TTC19: variants seen among roughly 807,000 people sequenced by gnomAD.
The protein encoded by TTC19 is tetratricopeptide repeat protein 19, mitochondrial.
TTC19 carries 38 observed loss-of-function variants against 49.5 expected under a neutral mutation model. That is an observed-to-expected ratio of 0.77 (90% CI 0.59 to 1.01). TTC19 has a LOEUF of 1.01. Ranked by LOEUF, TTC19 falls within the 50% of genes least tolerant of loss-of-function variation. The probability of loss-of-function intolerance (pLI) is 0.00; values close to 1 mark genes in which losing one functional copy is unlikely to be tolerated. For synonymous variants in TTC19, 204 were observed against 185.2 expected, an observed-to-expected ratio of 1.10 and a Z score of -0.83; for missense variants, 475 against 477.7, an observed-to-expected ratio of 0.99 and a Z score of 0.05.
intron 2 of TTC19, chr17:16,034,911 G>A: frequency 6.2e-7 from 1 of 1,614,094 alleles, no homozygotes; most frequent in Non-Finnish European, 8.5e-7. Context: ...CCTGCTGTTT[G>A]ACTTGCTGAT....
At chr17:16,023,792 C>T (rs1000526384) in intron 7 of TTC19, 4 of 152,180 alleles carry the variant, frequency 2.6e-5, no homozygotes, top group Non-Finnish European at 5.9e-5. Flanking sequence ...AAGCAAGCTG[C>T]ACTTTTTTTC....
chr17:16,037,848 A>G (rs2056735790), intron 2 of TTC19, among the ~76,000 whole-genome samples: 2 of 152,208 alleles, frequency 1.3e-5, no homozygotes, highest in South Asian at 2.1e-4. Context: ...TCTAAAAGAA[A>G]ACATCAAAAA....
chr17:16,035,153 C>A (rs554713120), intron 2 of TTC19, among the ~76,000 whole-genome samples: 2 of 152,272 alleles, frequency 1.3e-5, no homozygotes, highest in South Asian at 4.1e-4. Context: ...GGTGGATGGT[C>A]TTGCCTCCAT....
intron 7 of TTC19, among the ~76,000 whole-genome samples, chr17:16,021,037 T>C (rs747493677): frequency 7.2e-5 from 11 of 152,136 alleles, no homozygotes; most frequent in Non-Finnish European, 1.2e-4. Flanking sequence ...CAGTCAGAAA[T>C]ACTGAGTGCC....
intron 7 of TTC19, among the ~76,000 whole-genome samples, chr17:16,013,870 A>G (rs985477767): frequency 3.9e-5 from 6 of 152,234 alleles, no homozygotes; most frequent in African/African-American, 1.4e-4. Flanking sequence ...CATCTGAATA[A>G]GTTAGCATAT....
chr17:16,041,490 T>G (rs185369700), intron 2 of TTC19, among the ~76,000 whole-genome samples: 2 of 144,516 alleles, frequency 1.4e-5, no homozygotes, highest in African/African-American at 5.1e-5. Context: ...CTAGGCTCAC[T>G]GCAACCTCTG....
chr17:16,038,209 A>G (rs1261316536), intron 2 of TTC19, among the ~76,000 whole-genome samples: 1 of 152,244 alleles, frequency 6.6e-6, no homozygotes, highest in African/African-American at 2.4e-5. Flanking sequence ...TGAAAAGCAC[A>G]AGAGATATTC....
chr17:16,037,196 G>A (rs1219761114), intron 2 of TTC19, among the ~76,000 whole-genome samples: 2 of 152,174 alleles, frequency 1.3e-5, no homozygotes, highest in African/African-American at 4.8e-5. Flanking sequence ...TGGGTTGTTT[G>A]CCATCTTATA....
chr17:16,003,928 T>C, intron 5 of TTC19, 41 bp downstream of exon 5: 4 of 1,603,766 alleles, frequency 2.5e-6, no homozygotes, highest in Non-Finnish European at 3.4e-6. Context: ...CTGAAGCAGT[T>C]TTCAAAACAG....
intron 7 of TTC19, among the ~76,000 whole-genome samples, chr17:16,018,930 A>AT (rs926153503): frequency 2.0e-5 from 3 of 152,040 alleles, no homozygotes; most frequent in Admixed American, 1.3e-4. Context: ...TTGCTTTAGA[A>AT]TTTTTTTTGG....
chr17:16,006,991 G>A (rs1207814944), intron 7 of TTC19, among the ~76,000 whole-genome samples: 3 of 152,280 alleles, frequency 2.0e-5, no homozygotes, highest in East Asian at 3.9e-4. Context: ...CACTCATTCT[G>A]GAGGCTAGGA....
chr17:16,015,366 A>T (rs1971184648), intron 7 of TTC19, among the ~76,000 whole-genome samples: 1 of 147,788 alleles, frequency 6.8e-6, no homozygotes, highest in Admixed American at 6.6e-5. Flanking sequence ...AAATGAACGT[A>T]TGGGTGAACA....
chr17:16,025,247 T>A, intron 8 of TTC19, 76 bp downstream of exon 8: 1 of 1,486,016 alleles, frequency 6.7e-7, no homozygotes, highest in Non-Finnish European at 9.2e-7. Context: ...GTCACACTCA[T>A]TGGTAACAGG....
chr17:16,024,735 C>A, intron 7 of TTC19: 1 of 425,134 alleles, frequency 2.4e-6, no homozygotes, highest in South Asian at 2.3e-5. Context: ...TTGTTGTTAA[C>A]TCATTCTTCT....
chr17:16,040,617 C>T, intron 2 of TTC19: 1 of 877,048 alleles, frequency 1.1e-6, no homozygotes. Context: ...ACCTTTATTT[C>T]TCACCCATTA....
At chr17:16,003,044 C>G (rs934540071) in intron 4 of TTC19, among the ~76,000 whole-genome samples, 1 of 152,140 alleles carries the variant, frequency 6.6e-6, no homozygotes, top group Non-Finnish European at 1.5e-5. Context: ...CTCTCTGATC[C>G]AGAAGTCCAG....
chr17:16,044,680 G>C (rs2058362990), exon 3 of TTC19: 1 of 671,712 alleles, frequency 1.5e-6, no homozygotes, highest in Admixed American at 1.8e-5. Context: ...ATGACAATGA[G>C]GTGACCATCA....
rs1201320779 is a variant in TTC19 at position 16,027,595 on chromosome 17, C to T, written c.*73C>T. The T allele has an allele frequency of 6.5e-7, 1 of 1,548,122 alleles. No individual in the cohort carries two copies. On this transcript the variant is annotated 3_prime_UTR_variant, in exon 10 of 10. Transcript: ENST00000261647. ...GCTATCATTCCTGTCTCTGTGGCAC[C>T]CGATCAATGGCTTAAATCTGTCGTT...
intron 2 of TTC19, among the ~76,000 whole-genome samples, chr17:16,043,626 T>G (rs2058133206): frequency 6.6e-6 from 1 of 152,332 alleles, no homozygotes; most frequent in South Asian, 2.1e-4. Context: ...CATTTCCCTG[T>G]CAAAGAGTTT....
Sources: gnomAD v4.1 joint callset for allele counts (sites outside exome capture counted in the v4.1 genomes callset) on GRCh38, gnomAD v4.1.1 for gene constraint, MANE v1.5 for transcripts, NCBI Gene and HGNC (gene_info 2026-07-23, HGNC 2026-07-21) for gene names.